The following INPP4B variants were observed in gnomAD, a reference collection of about 807,000 sequenced individuals.
The protein encoded by INPP4B is inositol polyphosphate 4-phosphatase type II.
In INPP4B, 55 loss-of-function variants were observed where a neutral mutation model predicts 122.5. The ratio of observed to expected loss-of-function variants is 0.45; its 90% CI spans 0.36 to 0.56. The LOEUF (loss-of-function observed/expected upper bound fraction) is 0.56, where lower values mean the gene tolerates loss of function less well. INPP4B is among the 20% of genes least tolerant of loss of function. INPP4B has a pLI of 0.00. For synonymous variants in INPP4B, 403 were observed against 388.7 expected (o/e 1.04, Z -0.43); for missense variants, 1,000 against 1,097.7 (o/e 0.91, Z 1.26).
chr4:142,635,231 G>C (rs76108956), intron 2 of INPP4B, among the ~76,000 whole-genome samples: 159 of 152,226 alleles, frequency 1.0e-3, no homozygotes, highest in African/African-American at 3.7e-3. Context: ...AGGTTGCAGA[G>C]AAAAGGGAAC....
At chr4:142,412,444 G>T (rs1209011446) in intron 5 of INPP4B, among the ~76,000 whole-genome samples, 1 of 152,074 alleles carries the variant, frequency 6.6e-6, no homozygotes, top group African/African-American at 2.4e-5. Context: ...ACATTCAGAA[G>T]AGGATGCTTC....
At chr4:142,253,107 G>C (rs1340784518) in intron 11 of INPP4B, among the ~76,000 whole-genome samples, 1 of 152,066 alleles carries the variant, frequency 6.6e-6, no homozygotes, top group Non-Finnish European at 1.5e-5. Flanking sequence ...TCTAAACATA[G>C]AAAAGGTACA....
chr4:142,319,366 AAAAG>A (rs1489268374), intron 7 of INPP4B, among the ~76,000 whole-genome samples: 1 of 152,226 alleles, frequency 6.6e-6, no homozygotes, highest in Non-Finnish European at 1.5e-5. Context: ...TTTAAAAGAA[AAAAG>A]AAAGTGTTAC....
At chr4:142,628,486 G>A (rs1164090340) in intron 2 of INPP4B, among the ~76,000 whole-genome samples, 2 of 132,716 alleles carry the variant, frequency 1.5e-5, no homozygotes, top group African/African-American at 2.8e-5. Flanking sequence ...TGGGTGCAGC[G>A]CACCAGCATG....
At chr4:142,198,554 C>T (rs1479602656) in intron 14 of INPP4B, among the ~76,000 whole-genome samples, 1 of 151,738 alleles carries the variant, frequency 6.6e-6, no homozygotes, top group Non-Finnish European at 1.5e-5. Flanking sequence ...AATCCTTCCA[C>T]AGTCTTCTGT....
intron 1 of INPP4B, among the ~76,000 whole-genome samples, chr4:142,782,432 A>G (rs1227626291): frequency 3.3e-5 from 5 of 151,858 alleles, no homozygotes; most frequent in South Asian, 4.2e-4. Context: ...GAATAGTGCC[A>G]CAATAAACAT....
intron 13 of INPP4B, 109 bp from the exon 14 acceptor site, chr4:142,208,638 C>T (rs931516494): frequency 4.5e-5 from 27 of 599,530 alleles, no homozygotes; most frequent in African/African-American, 4.2e-4. Flanking sequence ...GAAAGAAAAA[C>T]ATATCCTATA....
At chr4:142,667,650 T>C (rs1185349918) in intron 2 of INPP4B, among the ~76,000 whole-genome samples, 5 of 152,150 alleles carry the variant, frequency 3.3e-5, no homozygotes, top group Non-Finnish European at 2.9e-5. Flanking sequence ...TCCTGACATA[T>C]GGCCAGCCCT....
At chr4:142,323,747 T>A (rs966588997) in intron 7 of INPP4B, among the ~76,000 whole-genome samples, 6 of 150,880 alleles carry the variant, frequency 4.0e-5, no homozygotes, top group African/African-American at 1.5e-4. Flanking sequence ...GCCCAGCAGA[T>A]CTTTTTTTTT....
intron 2 of INPP4B, among the ~76,000 whole-genome samples, chr4:142,500,538 G>C (rs952877399): frequency 1.3e-5 from 2 of 152,214 alleles, no homozygotes; most frequent in South Asian, 2.1e-4. Flanking sequence ...AGGAAAAGTA[G>C]TGTGTTCTTT....
intron 2 of INPP4B, among the ~76,000 whole-genome samples, chr4:142,503,762 T>C (rs941322099): frequency 5.3e-5 from 8 of 152,046 alleles, no homozygotes; most frequent in East Asian, 3.9e-4. Flanking sequence ...CACTGTATTA[T>C]TACCAAATCA....
chr4:142,778,927 C>T (rs1240237345), intron 1 of INPP4B, among the ~76,000 whole-genome samples: 1 of 152,016 alleles, frequency 6.6e-6, no homozygotes, highest in East Asian at 1.9e-4. Flanking sequence ...ATACATACAA[C>T]CAGACAATTG....
chr4:142,256,710 T>G (rs1736328170), intron 11 of INPP4B, among the ~76,000 whole-genome samples: 1 of 152,150 alleles, frequency 6.6e-6, no homozygotes, highest in Non-Finnish European at 1.5e-5. Flanking sequence ...GTGGCAATAA[T>G]CAATAGCTTA....
intron 9 of INPP4B, among the ~76,000 whole-genome samples, chr4:142,288,458 C>T (rs551538383): frequency 6.6e-6 from 1 of 152,226 alleles, no homozygotes; most frequent in South Asian, 2.1e-4. Context: ...GTGTCAGGTG[C>T]CTGTAGTCCC....
chr4:142,716,991 TG>T (rs1440172217), intron 2 of INPP4B, among the ~76,000 whole-genome samples: 1 of 152,224 alleles, frequency 6.6e-6, no homozygotes, highest in East Asian at 1.9e-4. Flanking sequence ...GCAGGATAAA[TG>T]GTTACTATGA....
intron 1 of INPP4B, among the ~76,000 whole-genome samples, chr4:142,764,690 A>G (rs1771831125): frequency 6.6e-6 from 1 of 152,064 alleles, no homozygotes; most frequent in African/African-American, 2.4e-5. Flanking sequence ...AACACCCAGC[A>G]TTAGTTTCCA....
intron 1 of INPP4B, among the ~76,000 whole-genome samples, chr4:142,827,330 T>G (rs1781570950): frequency 1.3e-5 from 2 of 152,202 alleles, no homozygotes; most frequent in Admixed American, 1.3e-4. Context: ...TTGCAGAACT[T>G]AATTTTATTT....
intron 24 of INPP4B, among the ~76,000 whole-genome samples, chr4:142,084,881 G>A (rs1288634643): frequency 6.6e-6 from 1 of 152,170 alleles, no homozygotes; most frequent in Admixed American, 6.5e-5. Flanking sequence ...CAGATGGCAT[G>A]AGTATCAAAC....
chr4:142,463,298 G>T (rs1238418887), intron 2 of INPP4B, among the ~76,000 whole-genome samples: 1 of 152,146 alleles, frequency 6.6e-6, no homozygotes, highest in Admixed American at 6.6e-5. Context: ...AGGGGTTCTG[G>T]TGTCTGAATC....
Sources: allele counts gnomAD v4.1 joint callset (sites outside exome capture counted in the v4.1 genomes callset), GRCh38; gene constraint gnomAD v4.1.1; transcripts MANE v1.5; gene names NCBI Gene and HGNC (gene_info 2026-07-23, HGNC 2026-07-21).